The following GPM6A variants were observed in gnomAD, a reference collection of about 807,000 sequenced individuals.
The protein encoded by GPM6A is neuronal membrane glycoprotein M6-a.
GPM6A carries 7 observed loss-of-function variants against 32.1 expected under a neutral mutation model. The ratio of observed to expected loss-of-function variants is 0.22; its 90% CI spans 0.12 to 0.41. The LOEUF (loss-of-function observed/expected upper bound fraction) is 0.41. Among genes scored for constraint, GPM6A ranks in the 10% least tolerant of loss-of-function variants. GPM6A has a pLI of 1.00. For missense variants in GPM6A, 235 were observed against 347.2 expected (o/e 0.68, Z 2.57); for synonymous variants, 130 against 123.4 (o/e 1.05, Z -0.35).
At chr4:175,828,251 AG>A (rs1417968735) in intron 1 of GPM6A, among the ~76,000 whole-genome samples, 1 of 152,182 alleles carries the variant, frequency 6.6e-6, no homozygotes, top group African/African-American at 2.4e-5. Context: ...GTTATTAGTC[AG>A]GGTAGAAGGC....
chr4:175,835,135 A>C (rs1735724939), intron 1 of GPM6A, among the ~76,000 whole-genome samples: 1 of 152,196 alleles, frequency 6.6e-6, no homozygotes, highest in African/African-American at 2.4e-5. Flanking sequence ...AGAAATCCCC[A>C]ATAAGACAGC....
intron 1 of GPM6A, among the ~76,000 whole-genome samples, chr4:175,932,741 G>A (rs770155635): frequency 1.3e-5 from 2 of 152,102 alleles, no homozygotes; most frequent in African/African-American, 4.8e-5. Flanking sequence ...TATCATACAT[G>A]AAGATATATA....
At chr4:175,764,148 A>G (rs1316507843) in intron 1 of GPM6A, among the ~76,000 whole-genome samples, 1 of 152,184 alleles carries the variant, frequency 6.6e-6, no homozygotes, top group African/African-American at 2.4e-5. Context: ...AAAATTTTGT[A>G]TCCATTAAGC....
intron 1 of GPM6A, among the ~76,000 whole-genome samples, chr4:175,945,480 A>T (rs1268922612): frequency 6.6e-6 from 1 of 152,122 alleles, no homozygotes; most frequent in African/African-American, 2.4e-5. Flanking sequence ...CTCAGTTGTA[A>T]ATAATACACA....
intron 1 of GPM6A, among the ~76,000 whole-genome samples, chr4:175,794,544 C>T (rs931378705): frequency 4.6e-5 from 7 of 152,014 alleles, no homozygotes; most frequent in Admixed American, 2.0e-4. Flanking sequence ...TAATATTGCT[C>T]GGAAGTTATT....
intron 1 of GPM6A, among the ~76,000 whole-genome samples, chr4:175,829,707 CAT>C (rs1436879189): frequency 3.4e-5 from 5 of 145,672 alleles, no homozygotes; most frequent in African/African-American, 1.0e-4. Context: ...ATATATATTA[CAT>C]ATATATGTAT....
rs1740480951 is a variant in GPM6A at position 175,634,755 on chromosome 4, A to G, written c.*150T>C. ...AAATTGGGAAATTTAAGTGCTAAAC[A>G]ACAAAGAATTGTACTCAGGTGATTC... On this transcript the variant is annotated 3_prime_UTR_variant, in exon 7 of 7. Transcript: ENST00000393658. The G allele has an allele frequency of 1.1e-5, 6 of 565,262 alleles. No homozygotes were observed. The highest frequency in any genetic ancestry group is 2.7e-5 in the South Asian group (1 of 36,652). 35.0% of individuals were successfully genotyped at this position (565,262 alleles called of 1,614,324 possible). A position where few individuals can be genotyped will look rare whatever the true frequency, so the allele number is the denominator to read the frequency against.
At chr4:175,835,649 A>ATATATATATATATG (rs539818650) in intron 1 of GPM6A, among the ~76,000 whole-genome samples, 1 of 143,340 alleles carries the variant, frequency 7.0e-6, no homozygotes, top group Admixed American at 7.2e-5. Context: ...ATATATATAT[A>ATATATATATATATG]TGCTTGTATG....
intron 1 of GPM6A, among the ~76,000 whole-genome samples, chr4:175,809,701 T>C (rs1187302216): frequency 6.6e-6 from 1 of 152,202 alleles, no homozygotes; most frequent in African/African-American, 2.4e-5. Flanking sequence ...AAGTTAGGAC[T>C]ATTCTCAATT....
At chr4:175,797,720 G>A (rs994384414) in intron 1 of GPM6A, among the ~76,000 whole-genome samples, 1 of 152,064 alleles carries the variant, frequency 6.6e-6, no homozygotes, top group African/African-American at 2.4e-5. Flanking sequence ...CATGATTGTA[G>A]GCTTCGAAGT....
rs887719907 is a variant in GPM6A at position 175,978,621 on chromosome 4, GA to G, written c.-23+23687del. On this transcript the variant is annotated intron_variant, in intron 1 of 7. Transcript: ENST00000280187. Reference sequence around the variant, plus strand: ...TTATTTTTTACAATGAGTCAATGCTGAAAAAACAAATAATATGGCAATAAAC... The same window carrying G: ...TTATTTTTTACAATGAGTCAATGCTGAAAAACAAATAATATGGCAATAAAC... Among the ~76,000 whole-genome samples, 5 of 152,074 alleles carry G rather than the reference GA, an allele frequency of 3.3e-5. 1 individual carries two copies. Among genetic ancestry groups the G allele is most frequent in the African/African-American group, 1.2e-4 (5 of 41,420 alleles).
At chr4:175,861,031 T>A (rs1736558724) in intron 1 of GPM6A, among the ~76,000 whole-genome samples, 1 of 152,088 alleles carries the variant, frequency 6.6e-6, no homozygotes, top group Admixed American at 6.5e-5. Context: ...TCTTCATTAA[T>A]CTGTATCATC....
intron 1 of GPM6A, among the ~76,000 whole-genome samples, chr4:175,922,363 C>T (rs1738697682): frequency 6.6e-6 from 1 of 152,218 alleles, no homozygotes; most frequent in Admixed American, 6.5e-5. Context: ...ACCTCCTCCA[C>T]ATCTTTATGC....
chr4:175,636,689 G>C lies in GPM6A; in HGVS notation c.685-1632C>G, dbSNP rs933272309. On this transcript the variant is annotated intron_variant, in intron 6 of 6. Coordinates refer to ENST00000393658, the MANE Select transcript of GPM6A (RefSeq NM_201591.3). ...CACGTGCCTGTAATCCCAGCTACTCGGGAGGATGAGGCAGGAGAATGGATT... is the reference window on the plus strand; with the variant it reads ...CACGTGCCTGTAATCCCAGCTACTCCGGAGGATGAGGCAGGAGAATGGATT... 2.0e-5 allele frequency among the ~76,000 whole-genome samples: 3 copies of C among 150,830 alleles called. No individual in the cohort carries two copies. The South Asian group carries it at 6.3e-4, about 32-fold the overall frequency.
At chr4:175,702,370 A>C (rs746584482) in intron 1 of GPM6A, among the ~76,000 whole-genome samples, 2 of 152,172 alleles carry the variant, frequency 1.3e-5, no homozygotes, top group Non-Finnish European at 2.9e-5. Flanking sequence ...TATACAATAG[A>C]CTATTTTTAA....
chr4:175,923,549 TTTG>T (rs1426212338), intron 1 of GPM6A, among the ~76,000 whole-genome samples: 1 of 151,532 alleles, frequency 6.6e-6, no homozygotes, highest in Non-Finnish European at 1.5e-5. Flanking sequence ...TTTGTGTTTT[TTTG>T]TTGTTGTTTG....
At chr4:175,918,441 C>A (rs569070925) in intron 1 of GPM6A, among the ~76,000 whole-genome samples, 1 of 151,866 alleles carries the variant, frequency 6.6e-6, no homozygotes, top group African/African-American at 2.4e-5. Flanking sequence ...AAAATAACAT[C>A]GCAATAGGTT....
intron 1 of GPM6A, among the ~76,000 whole-genome samples, chr4:175,978,678 C>A (rs1269491416): frequency 2.6e-5 from 4 of 152,132 alleles, no homozygotes; most frequent in African/African-American, 9.7e-5. Context: ...GTACTTTCAA[C>A]CAGATATTCA....
intron 1 of GPM6A, among the ~76,000 whole-genome samples, chr4:175,972,972 T>C (rs1256724603): frequency 2.0e-5 from 3 of 152,178 alleles, no homozygotes; most frequent in African/African-American, 4.8e-5. Flanking sequence ...GAATGGATGA[T>C]CACATGACGA....
Sources: allele counts gnomAD v4.1 joint callset (sites outside exome capture counted in the v4.1 genomes callset), GRCh38; gene constraint gnomAD v4.1.1; transcripts MANE v1.5; gene names NCBI Gene and HGNC (gene_info 2026-07-23, HGNC 2026-07-21).